Variants in SOX5 observed in about 807,000 individuals in gnomAD.
The protein encoded by SOX5 is transcription factor SOX-5.
SOX5 carries 9 observed loss-of-function variants against 92.0 expected under a neutral mutation model. That is an observed-to-expected ratio of 0.10 (90% CI 0.06 to 0.17). The LOEUF (loss-of-function observed/expected upper bound fraction) is 0.17, where lower values mean the gene tolerates loss of function less well. SOX5 is among the 10% of genes least tolerant of loss of function. The pLI is 1.00. For missense variants in SOX5, 642 were observed against 944.5 expected (o/e 0.68, Z 4.20); for synonymous variants, 344 against 336.3 (o/e 1.02, Z -0.25).
At chr12:23,757,440 T>C (rs767559887) in intron 3 of SOX5, among the ~76,000 whole-genome samples, 24 of 152,106 alleles carry the variant, frequency 1.6e-4, no homozygotes, top group Non-Finnish European at 2.6e-4. Flanking sequence ...TTTCTCTTCA[T>C]TGACGCTTTA....
chr12:24,208,983 G>T (rs1366405988), intron 4 of SOX5, among the ~76,000 whole-genome samples: 1 of 152,200 alleles, frequency 6.6e-6, no homozygotes, highest in African/African-American at 2.4e-5. Context: ...GAGGATTGAG[G>T]AGGAGAAAAG....
At chr12:23,816,447 T>C (rs2095996107) in intron 3 of SOX5, among the ~76,000 whole-genome samples, 1 of 151,986 alleles carries the variant, frequency 6.6e-6, no homozygotes, top group Non-Finnish European at 1.5e-5. Context: ...CCTGACCTCA[T>C]GATCTGCCTG....
At chr12:23,950,988 C>T (rs1433891730), upstream of SOX5, 14 of 774,970 alleles carry the variant, frequency 1.8e-5, no homozygotes, top group Non-Finnish European at 3.0e-5. Context: ...CACACACACA[C>T]ACACACACAC....
intron 5 of SOX5, among the ~76,000 whole-genome samples, chr12:23,738,810 G>C (rs918926173): frequency 3.3e-5 from 5 of 152,134 alleles, no homozygotes; most frequent in African/African-American, 1.2e-4. Context: ...CTGAAAGATT[G>C]AGAGTTAAGG....
chr12:23,911,369 A>T (rs2138404326), intron 1 of SOX5, among the ~76,000 whole-genome samples: 1 of 152,168 alleles, frequency 6.6e-6, no homozygotes, highest in Admixed American at 6.5e-5. Context: ...ATGATCATGA[A>T]ATATAAGCCA....
chr12:23,979,643 G>A (rs1949290519), intron 4 of SOX5, among the ~76,000 whole-genome samples: 1 of 140,876 alleles, frequency 7.1e-6, no homozygotes, highest in African/African-American at 2.6e-5. Flanking sequence ...TTCCCAGCAT[G>A]AGAACCTCAC....
chr12:23,741,568 T>A (rs1212324424), intron 4 of SOX5, among the ~76,000 whole-genome samples: 1 of 152,146 alleles, frequency 6.6e-6, no homozygotes, highest in African/African-American at 2.4e-5. Flanking sequence ...ATTAGTGATA[T>A]GATTCTCCCT....
chr12:23,629,717 C>G (rs1028148695), intron 8 of SOX5, among the ~76,000 whole-genome samples: 1 of 151,946 alleles, frequency 6.6e-6, no homozygotes, highest in South Asian at 2.1e-4. Context: ...AGGTTGTTTG[C>G]CTTTCTTCAA....
chr12:24,169,992 C>A (rs1021617420), intron 4 of SOX5, among the ~76,000 whole-genome samples: 7 of 151,846 alleles, frequency 4.6e-5, no homozygotes, highest in Admixed American at 4.6e-4. Flanking sequence ...AAAGCAATAA[C>A]GGAAGCTAAT....
chr12:23,687,000 G>A (rs991813497), intron 6 of SOX5, among the ~76,000 whole-genome samples: 1 of 151,980 alleles, frequency 6.6e-6, no homozygotes, highest in African/African-American at 2.4e-5. Context: ...ATGGATTATT[G>A]TAAACTCAGT....
intron 4 of SOX5, among the ~76,000 whole-genome samples, chr12:24,045,356 T>G (rs1956893581): frequency 6.6e-6 from 1 of 152,222 alleles, no homozygotes; most frequent in Non-Finnish European, 1.5e-5. Flanking sequence ...ACTCTATTGG[T>G]GTTTAATAAA....
At position 23,930,701 on chromosome 12, in the gene SOX5, A is replaced by T. The variant is rs562406557; in HGVS notation, c.38+18863T>A. Among the ~76,000 whole-genome samples, 242 of 151,838 alleles carry T rather than the reference A, an allele frequency of 1.6e-3. 2 individuals are homozygous for T. The highest frequency in any genetic ancestry group is 5.4e-3 in the African/African-American group (223 of 41,494). ...GTACTATTATTATCTCCTCTTCACA[A>T]ATGAGTAAACTGAGGAAGTCCCAGG... On this transcript the variant is annotated intron_variant, in intron 1 of 14. Coordinates refer to ENST00000451604, the MANE Select transcript of SOX5 (RefSeq NM_006940.6).
chr12:23,782,602 C>T (rs2095303522), intron 3 of SOX5, among the ~76,000 whole-genome samples: 1 of 152,000 alleles, frequency 6.6e-6, no homozygotes, highest in African/African-American at 2.4e-5. Context: ...CAAGGCCATC[C>T]CTATTGTTGA....
intron 2 of SOX5, among the ~76,000 whole-genome samples, chr12:24,338,596 T>C (rs1310999525): frequency 6.6e-6 from 1 of 152,236 alleles, no homozygotes; most frequent in Non-Finnish European, 1.5e-5. Flanking sequence ...GGTTGTGATA[T>C]GGTTTGGCTA....
intron 4 of SOX5, among the ~76,000 whole-genome samples, chr12:24,126,139 C>T (rs1287993098): frequency 3.3e-5 from 5 of 152,218 alleles, no homozygotes; most frequent in African/African-American, 9.7e-5. Flanking sequence ...TGAAGTTCCT[C>T]AGGGCTATGT....
rs765126253 is a variant in SOX5 at position 24,078,405 on chromosome 12, C to A, written c.-2+134938G>T. On this transcript the variant is annotated intron_variant, in intron 4 of 4. Coordinates refer to the SOX5 transcript ENST00000446891. ...CCACAGTTATTGAACCTGTGATTAC[C>A]TGGACAAGGGTAAGCAACTACATAG... 3.3e-5 allele frequency among the ~76,000 whole-genome samples: 5 copies of A among 152,026 alleles called. No individual in the cohort carries two copies. In the South Asian group the frequency reaches 1.0e-3, roughly 31 times the overall value.
intron 2 of SOX5, among the ~76,000 whole-genome samples, chr12:24,281,992 T>C (rs12299798): frequency 0.042 from 6,455 of 152,208 alleles, 482 homozygotes; most frequent in African/African-American, 0.15. Context: ...CTCAAATTTC[T>C]GATGGTCAAT....
intron 1 of SOX5, among the ~76,000 whole-genome samples, chr12:24,465,884 G>C (rs951570778): frequency 2.0e-5 from 3 of 152,134 alleles, no homozygotes; most frequent in Admixed American, 1.3e-4. Context: ...CACTATTGCA[G>C]ACACGAGGGC....
intron 4 of SOX5, among the ~76,000 whole-genome samples, chr12:24,181,244 G>C (rs1222860429): frequency 6.6e-6 from 1 of 152,182 alleles, no homozygotes; most frequent in African/African-American, 2.4e-5. Context: ...ATTGGGGTCT[G>C]ATTCCATGAA....
Sources: allele counts gnomAD v4.1 joint callset (sites outside exome capture counted in the v4.1 genomes callset), GRCh38; gene constraint gnomAD v4.1.1; transcripts MANE v1.5; gene names NCBI Gene and HGNC (gene_info 2026-07-23, HGNC 2026-07-21).